Variants in IARS1 observed in about 807,000 individuals in gnomAD.
IARS1 encodes isoleucine--tRNA ligase, cytoplasmic.
Under a neutral mutation model 168.2 loss-of-function variants are expected in IARS1, and 124 were observed. That is an observed-to-expected ratio of 0.74 (90% CI 0.64 to 0.86). The LOEUF is 0.86. Ranked by LOEUF, IARS1 falls within the 40% of genes least tolerant of loss-of-function variation. The pLI, the probability that IARS1 is intolerant of heterozygous loss-of-function variation, is 0.00. For missense variants in IARS1, 1,452 were observed against 1,515.8 expected (o/e 0.96, Z 0.70); for synonymous variants, 532 against 529.4 (o/e 1.00, Z -0.07).
intron 9 of IARS1, among the ~76,000 whole-genome samples, chr9:92,276,345 G>C (rs1434808730): frequency 6.6e-6 from 1 of 152,204 alleles, no homozygotes; most frequent in East Asian, 1.9e-4. Flanking sequence ...ACTGAATAAA[G>C]GATATGTCTA....
intron 25 of IARS1, 81 bp from the exon 26 acceptor site, chr9:92,247,632 T>C: frequency 8.2e-7 from 1 of 1,225,208 alleles, no homozygotes; most frequent in South Asian, 1.4e-5. Flanking sequence ...ACAGCAGCAT[T>C]ATTCCTAACT....
chr9:92,247,644 C>G (rs1829416604), intron 25 of IARS1, 93 bp from the exon 26 acceptor site: 1 of 1,097,828 alleles, frequency 9.1e-7, no homozygotes. Context: ...TTCCTAACTG[C>G]CAGAAAGCAA....
intron 27 of IARS1, 69 bp from the exon 28 acceptor site, chr9:92,243,380 A>G: frequency 9.4e-7 from 1 of 1,059,942 alleles, no homozygotes; most frequent in East Asian, 2.4e-5. Context: ...ACTCAGCAAA[A>G]TGTTATTTAA....
chr9:92,243,234 T>C lies in IARS1; in HGVS notation c.2982A>G (p.Ile994Met), dbSNP rs142582728. Reference protein sequence around the residue: ...EGMAREVINRIQKLRKKCNLV... With the variant: ...EGMAREVINRMQKLRKKCNLV... Reference sequence around the variant, plus strand: ...AACTAACCTTTTTGCGAAGTTTCTGTATGCGATTGATGACTTCCCGAGCCA... The same window carrying C: ...AACTAACCTTTTTGCGAAGTTTCTGCATGCGATTGATGACTTCCCGAGCCA... Residue 994 changes from isoleucine (I) to methionine (M), a missense_variant, in exon 28 of 34, where the codon ATA becomes ATG. By Grantham distance (10) the Ile-to-Met change is conservative. Coordinates refer to ENST00000443024, the MANE Select transcript of IARS1 (RefSeq NM_002161.6). 4.6e-4 allele frequency: 740 copies of C among 1,613,308 alleles called. No individual in the cohort carries two copies. The highest frequency in any genetic ancestry group is 6.0e-4 in the Non-Finnish European group (704 of 1,179,448).
chr9:92,258,347 C>T (rs1328974755), intron 19 of IARS1, among the ~76,000 whole-genome samples: 12 of 152,138 alleles, frequency 7.9e-5, no homozygotes, highest in Non-Finnish European at 4.4e-5. Context: ...AATCCCAGCA[C>T]TTTTGGGAGG....
rs573997230 is a variant in IARS1, at chr9:92,264,152, T to C, written c.1700+777A>G. 3.5e-4 allele frequency among the ~76,000 whole-genome samples: 53 copies of C among 152,100 alleles called. 1 individual carries two copies. The highest frequency in any genetic ancestry group is 1.1e-3 in the African/African-American group (45 of 41,512). ...GAGTTCGAGACCAGCCTGGCCAACATGGTGAAACCCAGTCTCTACTAAAAC... is the reference window on the plus strand; with the variant it reads ...GAGTTCGAGACCAGCCTGGCCAACACGGTGAAACCCAGTCTCTACTAAAAC... On this transcript the variant is annotated intron_variant, in intron 16 of 33. Coordinates refer to ENST00000443024, the MANE Select transcript of IARS1 (RefSeq NM_002161.6).
chr9:92,223,610 G>T, intron 31 of IARS1, 121 bp from the exon 32 acceptor site: 1 of 775,138 alleles, frequency 1.3e-6, no homozygotes, highest in Non-Finnish European at 2.0e-6. Flanking sequence ...CTTAATTTCT[G>T]TTTATCAAGA....
At chr9:92,211,372 G>A (rs1220351861) in intron 33 of IARS1, among the ~76,000 whole-genome samples, 1 of 151,858 alleles carries the variant, frequency 6.6e-6, no homozygotes, top group Non-Finnish European at 1.5e-5. Flanking sequence ...TCTCACTCTC[G>A]CTGGTTCTAA....
In IARS1 at chr9:92,278,187, T is replaced by C. The variant is rs41276821; in HGVS notation, c.833+12A>G. ...ATGCACACAAACACAGAGCAACTAT[T>C]TGAATATTCACCTTTCAAGGATCTC... On this transcript the variant is annotated intron_variant, in intron 8 of 33. Transcript: ENST00000443024. 13,522 of 1,499,652 alleles carry C rather than the reference T, an allele frequency of 9.0e-3. 113 individuals are homozygous for C. Among genetic ancestry groups the C allele is most frequent in the Middle Eastern group, 0.021 (122 of 5,884 alleles). The allele number at this position is 1,499,652 out of a possible 1,614,324, so 92.9% of individuals were successfully genotyped here. A position where few individuals can be genotyped will look rare whatever the true frequency, so the allele number is the denominator to read the frequency against.
At chr9:92,260,589 A>G (rs1342539827) in intron 17 of IARS1, among the ~76,000 whole-genome samples, 1 of 152,214 alleles carries the variant, frequency 6.6e-6, no homozygotes, top group Non-Finnish European at 1.5e-5. Context: ...TGAGAGGCAG[A>G]GATTGAAGTG....
intron 2 of IARS1, 38 bp from the exon 3 acceptor site, chr9:92,288,320 C>T (rs377269055): frequency 2.7e-4 from 438 of 1,600,188 alleles, no homozygotes; most frequent in Non-Finnish European, 3.3e-4. Context: ...CATTTAAAAA[C>T]AGCCAAAATT....
chr9:92,250,251 G>A lies in IARS1; in HGVS notation c.2468C>T (p.Ser823Phe). 1.9e-6 allele frequency: 3 copies of A among 1,611,462 alleles called. No individual in the cohort carries two copies. The highest frequency in any genetic ancestry group is 2.7e-5 in the African/African-American group (2 of 74,998). ...AAGTTCAATCACAGACTGCATCTGA[G>A]ATACTGCACTCTCTGTTTTCTTGTC... ...LIDKKTESAV[S>F]QMQSVIELGR... is the part of the protein sequence containing the mutation. Residue 823 changes from serine (S) to phenylalanine (F), a missense_variant, in exon 24 of 34, where the codon TCT (serine) becomes TTT (phenylalanine). Physicochemically the swap from Ser to Phe is radical, Grantham distance 155. Coordinates refer to ENST00000443024, the MANE Select transcript of IARS1 (RefSeq NM_002161.6).
chr9:92,268,207 G>A lies in IARS1; in HGVS notation c.1398C>T (p.Pro466=). Residue 466 remains proline (P), a synonymous_variant, in exon 14 of 34, where the codon CCC becomes CCT. Transcript: ENST00000443024. The stretch of plus-strand genomic sequence containing the variant: ...AGTCATCGCTGACCCACAGTGGGAT[G>A]GGGGTGCCCCAGTATCTGTTTCTGG... The part of the protein sequence containing the change: ...TISRNRYWGT[P]IPLWVSDDFE... 1 of 1,609,442 alleles carries A rather than the reference G, an allele frequency of 6.2e-7. No homozygotes were observed. The highest frequency in any genetic ancestry group is 1.1e-5 in the South Asian group (1 of 89,956).
intron 25 of IARS1, 69 bp downstream of exon 25, chr9:92,249,789 T>C: frequency 7.8e-6 from 6 of 767,236 alleles, no homozygotes; most frequent in Non-Finnish European, 1.3e-5. Flanking sequence ...ATATGTACTT[T>C]GAGGATTATT....
chr9:92,228,298 C>T (rs1826081833), intron 31 of IARS1, among the ~76,000 whole-genome samples: 1 of 150,800 alleles, frequency 6.6e-6, no homozygotes, highest in East Asian at 1.9e-4. Context: ...TTTTTTTTTT[C>T]AGAGGTCACA....
intron 14 of IARS1, among the ~76,000 whole-genome samples, chr9:92,267,851 T>C (rs949240002): frequency 2.6e-5 from 4 of 152,180 alleles, no homozygotes; most frequent in African/African-American, 9.7e-5. Context: ...AAGCTAATAG[T>C]ATACCTTAAT....
chr9:92,223,523 A>T (rs2133411312), intron 31 of IARS1, 34 bp from the exon 32 acceptor site: 1 of 1,581,336 alleles, frequency 6.3e-7, no homozygotes, highest in South Asian at 1.1e-5. Flanking sequence ...TTCAGGGTTA[A>T]CGAACAAATT....
chr9:92,238,112 G>C (rs1015746877), intron 30 of IARS1, among the ~76,000 whole-genome samples: 13 of 152,136 alleles, frequency 8.5e-5, no homozygotes, highest in African/African-American at 2.9e-4. Flanking sequence ...CATTATGTTG[G>C]CCAGGCTGGT....
At chr9:92,269,215 T>G (rs1832694802) in intron 13 of IARS1, among the ~76,000 whole-genome samples, 1 of 152,212 alleles carries the variant, frequency 6.6e-6, no homozygotes, top group Non-Finnish European at 1.5e-5. Context: ...TGCCCTGAGA[T>G]TCTCCCCATT....
Sources: allele counts gnomAD v4.1 joint callset (sites outside exome capture counted in the v4.1 genomes callset), GRCh38; gene constraint gnomAD v4.1.1; transcripts MANE v1.5; gene names NCBI Gene and HGNC (gene_info 2026-07-23, HGNC 2026-07-21).